The following BTRC variants were observed in gnomAD, a reference collection of about 807,000 sequenced individuals.
BTRC encodes the protein F-box/WD repeat-containing protein 1A.
A neutral mutation model predicts 85.5 loss-of-function variants in BTRC; 42 were observed. That is an observed-to-expected ratio of 0.49 (90% CI 0.38 to 0.64). The LOEUF is 0.64. Among genes scored for constraint, BTRC ranks in the 30% least tolerant of loss-of-function variants. BTRC has a pLI of 0.00. For missense variants in BTRC, 594 were observed against 743.5 expected, an observed-to-expected ratio of 0.80 and a Z score of 2.34; for synonymous variants, 255 against 263.3, an observed-to-expected ratio of 0.97 and a Z score of 0.30.
chr10:101,536,667 C>A lies in BTRC; in HGVS notation c.1577+14C>A. On this transcript the variant is annotated intron_variant, in intron 12 of 14. Coordinates refer to ENST00000370187, the MANE Select transcript of BTRC (RefSeq NM_033637.4). ...GGCCTATGATGGGTGAGTGTGCTAA[C>A]AGAGTGTAAAAAAGAGAAAATCTAC... The A allele has an allele frequency of 6.3e-7, 1 of 1,577,040 alleles. No homozygotes were observed. The highest frequency in any genetic ancestry group is 8.7e-7 in the Non-Finnish European group (1 of 1,147,250).
rs886300456 is a variant in BTRC, at chr10:101,553,311, G to T, written c.*188G>T. 1 of 152,608 alleles carries T rather than the reference G, an allele frequency of 6.6e-6. No homozygotes were observed. 9.5% of individuals were successfully genotyped at this position (152,608 alleles called of 1,614,324 possible). A position where few individuals can be genotyped will look rare whatever the true frequency, so the allele number is the denominator to read the frequency against. On this transcript the variant is annotated 3_prime_UTR_variant, in exon 15 of 15. Transcript: ENST00000370187. The stretch of plus-strand genomic sequence containing the variant: ...GTTGGTCTGCAGTCGGCCCAGGACG[G>T]TCTACTCAGCACAACTGACTGCTTC...
At chr10:101,500,060 T>A (rs1301254634) in intron 4 of BTRC, among the ~76,000 whole-genome samples, 1 of 151,060 alleles carries the variant, frequency 6.6e-6, no homozygotes, top group Non-Finnish European at 1.5e-5. Flanking sequence ...GTTTTTTATA[T>A]CTAGTTGCAG....
rs574046027 is a variant in BTRC at position 101,474,792 on chromosome 10, G to T, written c.235-4576G>T. Among the ~76,000 whole-genome samples the T allele has an allele frequency of 2.0e-5, 3 of 152,302 alleles. No homozygotes were observed. The South Asian group carries it at 6.2e-4, about 32-fold the overall frequency. On this transcript the variant is annotated intron_variant, in intron 3 of 14. Coordinates refer to ENST00000370187, the MANE Select transcript of BTRC (RefSeq NM_033637.4). ...CACATAAACACACATCTCACCCAGT[G>T]TGGTTCTCTTCTTTCAAGATCAGGC...
At chr10:101,432,248 C>A (rs1375440047) in intron 2 of BTRC, among the ~76,000 whole-genome samples, 1 of 151,716 alleles carries the variant, frequency 6.6e-6, no homozygotes, top group East Asian at 1.9e-4. Flanking sequence ...CTACCTCAAA[C>A]TTCCGGGTAG....
intron 2 of BTRC, among the ~76,000 whole-genome samples, chr10:101,446,116 C>G (rs1056938878): frequency 7.4e-6 from 1 of 135,270 alleles, no homozygotes; most frequent in African/African-American, 2.7e-5. Context: ...CCCCACCCCC[C>G]CAACCCCCTC....
intron 2 of BTRC, among the ~76,000 whole-genome samples, chr10:101,448,989 C>T (rs1258453012): frequency 6.6e-6 from 1 of 151,504 alleles, no homozygotes; most frequent in African/African-American, 2.4e-5. Context: ...TTGGGAAGGA[C>T]ACAGTATAAT....
At chr10:101,372,747 C>T (rs1005803033) in intron 1 of BTRC, among the ~76,000 whole-genome samples, 1 of 151,620 alleles carries the variant, frequency 6.6e-6, no homozygotes, top group Non-Finnish European at 1.5e-5. Flanking sequence ...TGCCTGTAAT[C>T]CCAGGTACTC....
rs895538662 is a variant in BTRC, at chr10:101,462,907, G to A, written c.234+849G>A. ...TTTTGAGACAAAGCCTCACTCTGTC[G>A]CCCAGGCTGGAGTGCAGTGGCGTGA... On this transcript the variant is annotated intron_variant, in intron 3 of 14. Coordinates refer to ENST00000370187, the MANE Select transcript of BTRC (RefSeq NM_033637.4). 4.0e-5 allele frequency among the ~76,000 whole-genome samples: 6 copies of A among 151,474 alleles called. No homozygotes were observed. The East Asian group carries it at 7.8e-4, about 20-fold the overall frequency.
At chr10:101,473,805 C>T (rs1213406826) in intron 3 of BTRC, among the ~76,000 whole-genome samples, 1 of 151,894 alleles carries the variant, frequency 6.6e-6, no homozygotes. Flanking sequence ...ACTACGTTGC[C>T]CAGGCTGGTC....
intron 1 of BTRC, among the ~76,000 whole-genome samples, chr10:101,391,006 T>A (rs1255196233): frequency 6.6e-6 from 1 of 152,230 alleles, no homozygotes; most frequent in Non-Finnish European, 1.5e-5. Flanking sequence ...AATTTTACTC[T>A]TGATAATTAA....
intron 13 of BTRC, among the ~76,000 whole-genome samples, chr10:101,541,331 C>T (rs995479900): frequency 2.6e-5 from 4 of 151,630 alleles, no homozygotes; most frequent in South Asian, 2.1e-4. Context: ...GCGATCTCAG[C>T]GCACTGCAAG....
At chr10:101,431,544 G>GT (rs1447813796) in intron 2 of BTRC, among the ~76,000 whole-genome samples, 1 of 152,152 alleles carries the variant, frequency 6.6e-6, no homozygotes, top group African/African-American at 2.4e-5. Flanking sequence ...TCTTATCTGC[G>GT]TACCTCAGGT....
chr10:101,459,993 G>T (rs187112159), intron 2 of BTRC, among the ~76,000 whole-genome samples: 66 of 152,044 alleles, frequency 4.3e-4, no homozygotes, highest in African/African-American at 1.5e-3. Flanking sequence ...AAGTAATTAG[G>T]CTCCAAGTTA....
chr10:101,460,306 T>G (rs1945191278), intron 2 of BTRC, among the ~76,000 whole-genome samples: 1 of 152,244 alleles, frequency 6.6e-6, no homozygotes, highest in African/African-American at 2.4e-5. Context: ...TGTTTGATAC[T>G]CTTACATAGC....
intron 2 of BTRC, among the ~76,000 whole-genome samples, chr10:101,437,875 C>T (rs548512164): frequency 1.3e-5 from 2 of 152,260 alleles, no homozygotes; most frequent in South Asian, 4.1e-4. Flanking sequence ...CCTATTGTCC[C>T]TTACCCACTC....
chr10:101,394,210 G>A (rs536227980), intron 1 of BTRC, among the ~76,000 whole-genome samples: 66 of 152,192 alleles, frequency 4.3e-4, no homozygotes, highest in Non-Finnish European at 7.8e-4. Context: ...TTATGATAAT[G>A]TATTCTTTCA....
intron 1 of BTRC, among the ~76,000 whole-genome samples, chr10:101,368,922 C>T (rs534632831): frequency 1.3e-5 from 2 of 152,110 alleles, no homozygotes; most frequent in South Asian, 2.1e-4. Context: ...AGGAGGCTGA[C>T]GCACGAGAAT....
At chr10:101,354,100 G>A (rs1941955747), upstream of BTRC, 2 of 1,487,342 alleles carry the variant, frequency 1.3e-6, no homozygotes, top group Admixed American at 2.0e-5. Context: ...AGAGGAGGCG[G>A]GATCCGGGCG....
chr10:101,379,653 A>G (rs1942879676), intron 1 of BTRC, among the ~76,000 whole-genome samples: 2 of 152,172 alleles, frequency 1.3e-5, no homozygotes, highest in South Asian at 2.1e-4. Flanking sequence ...AATTAAAATG[A>G]GAAATCTTTG....
Sources: gnomAD v4.1 joint callset for allele counts (sites outside exome capture counted in the v4.1 genomes callset) on GRCh38, gnomAD v4.1.1 for gene constraint, MANE v1.5 for transcripts, NCBI Gene and HGNC (gene_info 2026-07-23, HGNC 2026-07-21) for gene names.